PTPRD: variants seen among roughly 807,000 people sequenced by gnomAD.
PTPRD encodes receptor-type tyrosine-protein phosphatase delta.
Under a neutral mutation model 214.5 loss-of-function variants are expected in PTPRD, and 34 were observed. The ratio of observed to expected loss-of-function variants is 0.16; its 90% confidence interval spans 0.12 to 0.21. The LOEUF is 0.21. PTPRD is among the 10% of genes least tolerant of loss of function. The pLI is 1.00. For missense variants in PTPRD, 2,545 were observed against 2,398.7 expected, an observed-to-expected ratio of 1.06 and a Z score of -1.27; for synonymous variants, 1,128 against 845.7, an observed-to-expected ratio of 1.33 and a Z score of -5.79.
intron 14 of PTPRD, among the ~76,000 whole-genome samples, chr9:8,548,746 G>C (rs868369345): frequency 4.7e-5 from 6 of 128,268 alleles, no homozygotes; most frequent in African/African-American, 1.5e-4. Context: ...CCAGGCTAGA[G>C]TGCAATGGTG....
At chr9:8,501,455 G>C (rs1015842068) in intron 23 of PTPRD, among the ~76,000 whole-genome samples, 1 of 152,108 alleles carries the variant, frequency 6.6e-6, no homozygotes, top group African/African-American at 2.4e-5. Flanking sequence ...TTACTTGAGG[G>C]TCTGATGATG....
chr9:10,129,107 T>A (rs1388399398), intron 3 of PTPRD, among the ~76,000 whole-genome samples: 1 of 152,160 alleles, frequency 6.6e-6, no homozygotes, highest in African/African-American at 2.4e-5. Context: ...ACTCCTGATA[T>A]GAATTAAGAA....
intron 2 of PTPRD, among the ~76,000 whole-genome samples, chr9:10,537,967 G>C (rs532313601): frequency 1.3e-4 from 20 of 152,166 alleles, no homozygotes; most frequent in African/African-American, 4.8e-4. Flanking sequence ...CTCGCAATCT[G>C]TGTTTTACCA....
intron 11 of PTPRD, among the ~76,000 whole-genome samples, chr9:9,011,564 T>C (rs539975561): frequency 3.9e-5 from 6 of 152,126 alleles, no homozygotes; most frequent in Non-Finnish European, 8.8e-5. Context: ...TCACATGCTA[T>C]TCCCTGCCAG....
intron 3 of PTPRD, among the ~76,000 whole-genome samples, chr9:10,315,755 T>C (rs905852234): frequency 7.9e-5 from 12 of 151,992 alleles, no homozygotes; most frequent in African/African-American, 2.7e-4. Context: ...CATGGAACTA[T>C]TGAGAAGAAT....
At chr9:8,690,061 T>C (rs191151161) in intron 12 of PTPRD, among the ~76,000 whole-genome samples, 341 of 149,508 alleles carry the variant, frequency 2.3e-3, no homozygotes, top group African/African-American at 8.0e-3. Flanking sequence ...TAAGCCAAGA[T>C]TGTACCACTA....
rs770327332 is a variant in PTPRD, at chr9:8,517,861, G to A, written c.1530C>T (p.Ile510=). ...DGPLSSDIQV[I]TQTGVPGQPL... ...AACCAAACTTACCTCCTGTCTGAGT[G>A]ATGACTTGTATGTCACTTGAAAGGG... Residue 510 remains isoleucine, a synonymous_variant, in exon 21 of 46, where the codon ATC becomes ATT. Coordinates refer to ENST00000381196, the MANE Select transcript of PTPRD (RefSeq NM_002839.4). 2 of 1,613,094 alleles carry A rather than the reference G, an allele frequency of 1.2e-6. No individual in the cohort carries two copies. Among genetic ancestry groups the A allele is most frequent in the East Asian group, 4.5e-5 (2 of 44,856 alleles).
chr9:8,452,034 T>G (rs936854557), intron 33 of PTPRD: 2 of 281,028 alleles, frequency 7.1e-6, no homozygotes, highest in Non-Finnish European at 1.4e-5. Context: ...AGGAATTACA[T>G]CTTGTTGCAA....
At chr9:8,775,950 A>T (rs1241144415) in intron 11 of PTPRD, among the ~76,000 whole-genome samples, 1 of 152,252 alleles carries the variant, frequency 6.6e-6, no homozygotes, top group Admixed American at 6.5e-5. Context: ...GGCCAGTCCT[A>T]ACTCCTAGCA....
chr9:10,277,886 C>T (rs1414799504), intron 3 of PTPRD, among the ~76,000 whole-genome samples: 1 of 152,024 alleles, frequency 6.6e-6, no homozygotes, highest in Admixed American at 6.5e-5. Flanking sequence ...AGGCCGGGCT[C>T]GGTGGCTCAT....
At chr9:8,321,238 G>GTCTA (rs1315744618) in intron 44 of PTPRD, among the ~76,000 whole-genome samples, 1 of 151,588 alleles carries the variant, frequency 6.6e-6, no homozygotes, top group African/African-American at 2.4e-5. Context: ...GTACTCCAGA[G>GTCTA]TCTATCTTAC....
At chr9:10,236,088 C>T (rs944706449) in intron 3 of PTPRD, among the ~76,000 whole-genome samples, 6 of 151,858 alleles carry the variant, frequency 4.0e-5, no homozygotes, top group Non-Finnish European at 5.9e-5. Context: ...TCAAAAAGGG[C>T]CTTTTCAAAA....
chr9:9,715,485 A>C (rs2097802950), intron 7 of PTPRD, among the ~76,000 whole-genome samples: 1 of 152,172 alleles, frequency 6.6e-6, no homozygotes, highest in Non-Finnish European at 1.5e-5. Flanking sequence ...AAAAATAAAA[A>C]ATATATTTTC....
At chr9:9,937,235 A>T (rs1365409527) in intron 5 of PTPRD, among the ~76,000 whole-genome samples, 15 of 149,648 alleles carry the variant, frequency 1.0e-4, no homozygotes, top group African/African-American at 2.7e-4. Context: ...TAATAAAAAA[A>T]AATAAAAAAT....
chr9:10,481,034 T>C (rs1338850676), intron 2 of PTPRD, among the ~76,000 whole-genome samples: 3 of 108,678 alleles, frequency 2.8e-5, no homozygotes, highest in African/African-American at 7.9e-5. Flanking sequence ...TCTCATTTGG[T>C]ACTTTTTTTT....
intron 9 of PTPRD, among the ~76,000 whole-genome samples, chr9:9,200,925 A>G (rs1048453660): frequency 2.0e-5 from 3 of 152,210 alleles, no homozygotes; most frequent in Non-Finnish European, 4.4e-5. Context: ...AAAAGAAGCT[A>G]TTATTAAAAA....
intron 7 of PTPRD, among the ~76,000 whole-genome samples, chr9:9,625,862 G>T (rs1472383112): frequency 6.6e-6 from 1 of 152,104 alleles, no homozygotes; most frequent in Non-Finnish European, 1.5e-5. Flanking sequence ...CCAGCTCTCT[G>T]GTAGACATTG....
At position 10,453,891 on chromosome 9, in the gene PTPRD, G is replaced by T. The variant is rs989974449; in HGVS notation, c.-599-112874C>A. On this transcript the variant is annotated intron_variant, in intron 2 of 45. Transcript: ENST00000381196. The stretch of plus-strand genomic sequence containing the variant: ...TCTTCTTCTAGATATTAGAAAAAAA[G>T]CTTTCAGCATTTCACCATTGAGCGT... Among the ~76,000 whole-genome samples, 3 of 151,674 alleles carry T rather than the reference G, an allele frequency of 2.0e-5. No homozygotes were observed. In the South Asian group the frequency reaches 6.2e-4, roughly 31 times the overall value.
intron 12 of PTPRD, among the ~76,000 whole-genome samples, chr9:8,691,839 T>C (rs970520499): frequency 6.6e-6 from 1 of 152,214 alleles, no homozygotes; most frequent in Non-Finnish European, 1.5e-5. Context: ...TATTCCTTCA[T>C]ATTAGTCCCA....
Sources: allele counts gnomAD v4.1 joint callset (sites outside exome capture counted in the v4.1 genomes callset), GRCh38; gene constraint gnomAD v4.1.1; transcripts MANE v1.5; gene names NCBI Gene and HGNC (gene_info 2026-07-23, HGNC 2026-07-21).